The following GPC6 variants were observed in gnomAD, a reference collection of about 807,000 sequenced individuals.
GPC6 encodes glypican-6.
GPC6 carries 14 observed loss-of-function variants against 55.2 expected under a neutral mutation model. The ratio of observed to expected loss-of-function variants is 0.25; its 90% CI spans 0.17 to 0.40. The LOEUF is 0.40. Ranked by LOEUF, GPC6 falls within the 10% of genes least tolerant of loss-of-function variation. The pLI is 1.00. For missense variants in GPC6, 641 were observed against 708.5 expected, an observed-to-expected ratio of 0.90 and a Z score of 1.08; for synonymous variants, 278 against 259.6, an observed-to-expected ratio of 1.07 and a Z score of -0.68.
At chr13:94,052,351 T>G (rs1459518315) in intron 4 of GPC6, among the ~76,000 whole-genome samples, 2 of 152,266 alleles carry the variant, frequency 1.3e-5, no homozygotes, top group Non-Finnish European at 2.9e-5. Flanking sequence ...ATGGTCTAAC[T>G]AAACCATAGC....
At chr13:93,765,261 CTGTCTGGAAAGACAACTTTCCA>C (rs1885084091) in intron 2 of GPC6, among the ~76,000 whole-genome samples, 1 of 78,364 alleles carries the variant, frequency 1.3e-5, no homozygotes, top group Non-Finnish European at 3.7e-5. Context: ...TCCAGATAAG[CTGTCTGGAAAGACAACTTTCCA>C]GATAAGCTGT....
At chr13:94,387,471 A>G (rs1271563862) in intron 7 of GPC6, among the ~76,000 whole-genome samples, 1 of 152,216 alleles carries the variant, frequency 6.6e-6, no homozygotes, top group Non-Finnish European at 1.5e-5. Context: ...GATAATCTCA[A>G]TACAAATAGT....
At chr13:93,361,759 AG>A (rs1028281346) in intron 1 of GPC6, among the ~76,000 whole-genome samples, 6 of 152,220 alleles carry the variant, frequency 3.9e-5, no homozygotes, top group Non-Finnish European at 8.8e-5. Flanking sequence ...TGAAAGATAC[AG>A]GAACAGCAGT....
rs1056868716 is a variant in GPC6, at chr13:93,873,114, AT to A, written c.711+42580del. ...TTTTTAGAGAAAAGGACATTTTGTG[AT>A]TTTTTTTTTTAATTAATGAGGGAGG... is the stretch of plus-strand genomic sequence containing the variant. On this transcript the variant is annotated intron_variant, in intron 3 of 8. Transcript: ENST00000377047. Among the ~76,000 whole-genome samples the A allele has an allele frequency of 6.6e-3, 975 of 147,394 alleles. 9 individuals carry two copies. The highest frequency in any genetic ancestry group is 0.02 in the African/African-American group (828 of 40,440).
At chr13:94,061,563 G>A (rs1476102154) in intron 4 of GPC6, among the ~76,000 whole-genome samples, 3 of 152,024 alleles carry the variant, frequency 2.0e-5, no homozygotes, top group African/African-American at 7.2e-5. Context: ...GGACTAGACT[G>A]TCCAACACAC....
Position 93,830,286 on chromosome 13 carries a change from C to T in GPC6, c.452C>T (p.Thr151Ile). The T allele has an allele frequency of 6.2e-7, 1 of 1,613,854 alleles. No homozygotes were observed. The highest frequency in any genetic ancestry group is 8.5e-7 in the Non-Finnish European group (1 of 1,179,878). Residue 151 changes from threonine to isoleucine, a missense_variant, in exon 3 of 9, where the codon ACT becomes ATT. Coordinates refer to ENST00000377047, the MANE Select transcript of GPC6 (RefSeq NM_005708.5). ...DLFTELKRYYTGGNVNLEEML... is the reference protein window; with the variant it reads ...DLFTELKRYYIGGNVNLEEML... ...TTCACAGAGCTGAAAAGGTACTACACTGGGGGTAATGTGAATCTGGAGGAA... is the reference window on the plus strand; with the variant it reads ...TTCACAGAGCTGAAAAGGTACTACATTGGGGGTAATGTGAATCTGGAGGAA...
intron 4 of GPC6, among the ~76,000 whole-genome samples, chr13:94,139,933 A>C (rs1187166820): frequency 6.6e-6 from 1 of 152,168 alleles, no homozygotes; most frequent in Admixed American, 6.5e-5. Flanking sequence ...TTTCTATGGA[A>C]ATGTTTATTT....
intron 1 of GPC6, among the ~76,000 whole-genome samples, chr13:93,269,742 G>A (rs141378358): frequency 0.011 from 1,530 of 145,060 alleles, 18 homozygotes; most frequent in East Asian, 0.03. Context: ...TGGCTAGCAC[G>A]GTGAAACCCC....
intron 2 of GPC6, among the ~76,000 whole-genome samples, chr13:93,740,986 T>C (rs1884178870): frequency 6.6e-6 from 1 of 152,126 alleles, no homozygotes; most frequent in Non-Finnish European, 1.5e-5. Flanking sequence ...TTTATATGTT[T>C]GCAATTAGAA....
chr13:94,357,595 T>C (rs77367894), intron 6 of GPC6, among the ~76,000 whole-genome samples: 8,430 of 152,226 alleles, frequency 0.055, 748 homozygotes, highest in African/African-American at 0.19. Flanking sequence ...TAGAAATTGA[T>C]TGGTTTTCTC....
intron 1 of GPC6, among the ~76,000 whole-genome samples, chr13:93,275,203 A>G (rs1417309095): frequency 1.3e-5 from 2 of 152,180 alleles, no homozygotes; most frequent in Non-Finnish European, 2.9e-5. Context: ...TTGGGGGAAG[A>G]CTGTTTTAAA....
At chr13:94,363,271 C>G (rs1310314575) in intron 6 of GPC6, among the ~76,000 whole-genome samples, 5 of 151,982 alleles carry the variant, frequency 3.3e-5, no homozygotes, top group Non-Finnish European at 5.9e-5. Context: ...TAAATGCAAA[C>G]CAAAAAAAGC....
In GPC6 at chr13:93,552,765, CTCTGAAACCAGT is replaced by C. The variant is rs543509281; in HGVS notation, c.319+7348_319+7359del. Among the ~76,000 whole-genome samples, 79 of 152,272 alleles carry C rather than the reference CTCTGAAACCAGT, an allele frequency of 5.2e-4. 1 individual carries two copies. The South Asian group carries it at 0.016, about 30-fold the overall frequency. ...TTCTTTTAAGTATTGCTCTATCAGA[CTCTGAAACCAGT>C]TCTACCAGAAGGGTTCTTGGTAATG... On this transcript the variant is annotated intron_variant, in intron 2 of 8. Coordinates refer to ENST00000377047, the MANE Select transcript of GPC6 (RefSeq NM_005708.5).
intron 1 of GPC6, among the ~76,000 whole-genome samples, chr13:93,354,340 C>T (rs1285175946): frequency 7.2e-5 from 9 of 125,050 alleles, no homozygotes; most frequent in Non-Finnish European, 9.5e-5. Flanking sequence ...GAAGTGCTTC[C>T]GTTGGTAGAT....
intron 1 of GPC6, among the ~76,000 whole-genome samples, chr13:93,465,930 A>C (rs1878887342): frequency 6.6e-6 from 1 of 152,140 alleles, no homozygotes; most frequent in South Asian, 2.1e-4. Flanking sequence ...TAATAATATC[A>C]CTGTGTTTCA....
At position 93,499,593 on chromosome 13, in the gene GPC6, C is replaced by T. The variant is rs149375144; in HGVS notation, c.161-45670C>T. Reference sequence around the variant, plus strand: ...TGGATTATACTGATTAATTCATGAGCTAGCTTCTCCTGCATGTGGGAGGAG... The same window carrying T: ...TGGATTATACTGATTAATTCATGAGTTAGCTTCTCCTGCATGTGGGAGGAG... On this transcript the variant is annotated intron_variant, in intron 1 of 8. Coordinates refer to ENST00000377047, the MANE Select transcript of GPC6 (RefSeq NM_005708.5). Among the ~76,000 whole-genome samples the T allele has an allele frequency of 1.0e-3, 158 of 152,276 alleles. No homozygotes were observed. The East Asian group carries it at 0.025, about 24-fold the overall frequency.
At chr13:93,386,214 G>A (rs1314771363) in intron 1 of GPC6, among the ~76,000 whole-genome samples, 3 of 151,812 alleles carry the variant, frequency 2.0e-5, no homozygotes, top group African/African-American at 7.3e-5. Flanking sequence ...ACGCTATTAA[G>A]AGCTGTCATG....
chr13:93,252,029 G>A lies in GPC6; in HGVS notation c.160+24413G>A, dbSNP rs373035057. 5.9e-5 allele frequency among the ~76,000 whole-genome samples: 9 copies of A among 151,992 alleles called. No homozygotes were observed. The East Asian group carries it at 1.2e-3, about 20-fold the overall frequency. On this transcript the variant is annotated intron_variant, in intron 1 of 8. Transcript: ENST00000377047. ...TTTGATAAGTTGCTTTGATTATTTCGATTTGTTGAAACCAGTGGTTCTCAA... is the reference window on the plus strand; with the variant it reads ...TTTGATAAGTTGCTTTGATTATTTCAATTTGTTGAAACCAGTGGTTCTCAA...
At position 93,812,817 on chromosome 13, in the gene GPC6, T is replaced by C. The variant is rs184576081; in HGVS notation, c.320-17337T>C. Among the ~76,000 whole-genome samples, 260 of 152,326 alleles carry C rather than the reference T, an allele frequency of 1.7e-3. 3 individuals carry two copies. The highest frequency in any genetic ancestry group is 5.7e-3 in the African/African-American group (237 of 41,560). Reference sequence around the variant, plus strand: ...TAATTGCTTCATGTATATCATGTCATTCTCATAACACTCTATCAGGAAGGG... The same window carrying C: ...TAATTGCTTCATGTATATCATGTCACTCTCATAACACTCTATCAGGAAGGG... On this transcript the variant is annotated intron_variant, in intron 2 of 8. Transcript: ENST00000377047.
Sources: gnomAD v4.1 joint callset for allele counts (sites outside exome capture counted in the v4.1 genomes callset) on GRCh38, gnomAD v4.1.1 for gene constraint, MANE v1.5 for transcripts, NCBI Gene and HGNC (gene_info 2026-07-23, HGNC 2026-07-21) for gene names.